The following MAD1L1 variants were observed in gnomAD, a reference collection of about 807,000 sequenced individuals.
MAD1L1 encodes the protein mitotic spindle assembly checkpoint protein MAD1.
A neutral mutation model predicts 96.9 loss-of-function variants in MAD1L1; 95 were observed. The ratio of observed to expected loss-of-function variants is 0.98; its 90% CI spans 0.83 to 1.16. The LOEUF (loss-of-function observed/expected upper bound fraction) is 1.16. Among genes scored for constraint, MAD1L1 ranks in the 50% most tolerant of loss-of-function variants. The pLI, the probability that MAD1L1 is intolerant of heterozygous loss-of-function variation, is 0.00. For missense variants in MAD1L1, 1,007 were observed against 954.4 expected (o/e 1.06, Z -0.73); for synonymous variants, 473 against 396.6 (o/e 1.19, Z -2.29).
At chr7:2,082,434 G>A (rs545557407) in intron 11 of MAD1L1, among the ~76,000 whole-genome samples, 7 of 152,140 alleles carry the variant, frequency 4.6e-5, no homozygotes, top group East Asian at 3.9e-4. Context: ...GGAAGGAGCC[G>A]GGCCTGGGAG....
chr7:1,867,266 T>A (rs987978091), intron 18 of MAD1L1, among the ~76,000 whole-genome samples: 5 of 152,152 alleles, frequency 3.3e-5, no homozygotes, highest in African/African-American at 9.7e-5. Flanking sequence ...TCCAGAGGCC[T>A]TCGGGGCTAA....
At chr7:1,892,491 T>C (rs934982540) in intron 18 of MAD1L1, among the ~76,000 whole-genome samples, 16 of 152,194 alleles carry the variant, frequency 1.1e-4, no homozygotes, top group African/African-American at 3.9e-4. Context: ...TGCTTACTGG[T>C]TGAGTAAGCA....
At chr7:2,069,396 G>A (rs1240719958) in intron 11 of MAD1L1, 58 bp from the exon 12 acceptor site, 34 of 1,446,864 alleles carry the variant, frequency 2.3e-5, no homozygotes, top group Non-Finnish European at 3.1e-5. Flanking sequence ...ACCCCACCAA[G>A]CCCCGCCCCA....
chr7:1,853,853 C>T (rs1202667448), intron 18 of MAD1L1, among the ~76,000 whole-genome samples: 2 of 152,186 alleles, frequency 1.3e-5, no homozygotes, highest in Non-Finnish European at 2.9e-5. Flanking sequence ...GAGGACCGGG[C>T]AGGCCCCACC....
intron 11 of MAD1L1, among the ~76,000 whole-genome samples, chr7:2,080,369 G>C (rs1785579563): frequency 1.3e-5 from 2 of 152,272 alleles, no homozygotes; most frequent in East Asian, 3.9e-4. Context: ...CGCTAGCATG[G>C]GTAACTAAAG....
chr7:1,866,448 A>G (rs1784782801), intron 18 of MAD1L1, among the ~76,000 whole-genome samples: 2 of 85,706 alleles, frequency 2.3e-5, no homozygotes. Context: ...CCCAGGAACA[A>G]AGGGCTGAAG....
intron 17 of MAD1L1, among the ~76,000 whole-genome samples, chr7:1,919,050 C>T (rs555986152): frequency 6.6e-6 from 1 of 152,366 alleles, no homozygotes; most frequent in South Asian, 2.1e-4. Context: ...TCCGGCCCCT[C>T]CCCAGCAAGG....
At chr7:2,159,715 C>T (rs901578617) in intron 10 of MAD1L1, among the ~76,000 whole-genome samples, 1 of 152,144 alleles carries the variant, frequency 6.6e-6, no homozygotes, top group East Asian at 1.9e-4. Flanking sequence ...GAACTCAGAC[C>T]ACTGGATTAA....
At chr7:2,127,064 T>G (rs1413719767) in intron 11 of MAD1L1, among the ~76,000 whole-genome samples, 1 of 152,142 alleles carries the variant, frequency 6.6e-6, no homozygotes, top group Non-Finnish European at 1.5e-5. Context: ...GCGGGTGGGA[T>G]GAAGACATCT....
intron 18 of MAD1L1, among the ~76,000 whole-genome samples, chr7:1,888,457 C>A (rs1034518888): frequency 7.4e-6 from 1 of 135,900 alleles, no homozygotes; most frequent in African/African-American, 3.0e-5. Context: ...TGTGTGCACG[C>A]ATGTATGTGG....
chr7:2,213,942 C>G (rs1584566816), intron 9 of MAD1L1, among the ~76,000 whole-genome samples: 1 of 152,382 alleles, frequency 6.6e-6, no homozygotes, highest in East Asian at 1.9e-4. Context: ...GCTTCACCTC[C>G]ACCCAGTGCC....
chr7:1,896,557 C>T (rs1404120398), intron 18 of MAD1L1, among the ~76,000 whole-genome samples: 1 of 152,230 alleles, frequency 6.6e-6, no homozygotes, highest in Non-Finnish European at 1.5e-5. Flanking sequence ...CCCGAGTTCC[C>T]AGGTGTAAAT....
At chr7:1,834,359 T>C in intron 18 of MAD1L1, among the ~76,000 whole-genome samples, 1 of 151,962 alleles carries the variant, frequency 6.6e-6, no homozygotes, top group East Asian at 1.9e-4. Flanking sequence ...GCAGTAGAAA[T>C]AATAAAACCC....
chr7:2,100,816 G>A (rs551110242), intron 11 of MAD1L1, among the ~76,000 whole-genome samples: 1 of 152,226 alleles, frequency 6.6e-6, no homozygotes, highest in Non-Finnish European at 1.5e-5. Context: ...GGAACAGCTC[G>A]TTGCCCAAGG....
chr7:2,228,411 C>T (rs1204454423), intron 3 of MAD1L1, among the ~76,000 whole-genome samples: 1 of 151,952 alleles, frequency 6.6e-6, no homozygotes, highest in Non-Finnish European at 1.5e-5. Context: ...GGTGCCCACA[C>T]CCGCCTAATT....
chr7:1,886,291 G>A (rs1337136356), intron 18 of MAD1L1, among the ~76,000 whole-genome samples: 3 of 152,218 alleles, frequency 2.0e-5, no homozygotes, highest in South Asian at 2.1e-4. Flanking sequence ...CACGGGAGAT[G>A]GTGGGCTGGC....
At chr7:1,844,577 G>T (rs887892095) in intron 18 of MAD1L1, among the ~76,000 whole-genome samples, 1 of 152,116 alleles carries the variant, frequency 6.6e-6, no homozygotes, top group African/African-American at 2.4e-5. Context: ...GCCTACAGCT[G>T]GCCCAGGAAG....
intron 9 of MAD1L1, among the ~76,000 whole-genome samples, chr7:2,214,270 A>G (rs1261740158): frequency 6.6e-6 from 1 of 152,228 alleles, no homozygotes; most frequent in Admixed American, 6.5e-5. Context: ...TTCAACCATC[A>G]AACAATAAAT....
rs1429077747 is a variant in MAD1L1, at chr7:2,213,210, A to G, written c.986+2T>C. 2 of 1,613,870 alleles carry G rather than the reference A, an allele frequency of 1.2e-6. No homozygotes were observed. Among genetic ancestry groups the G allele is most frequent in the Non-Finnish European group, 1.7e-6 (2 of 1,179,974 alleles). On this transcript the variant is annotated splice_donor_variant, in intron 10 of 18. Coordinates refer to ENST00000265854, the MANE Select transcript of MAD1L1 (RefSeq NM_001013836.2). LOFTEE classifies it high-confidence loss of function. ...ACCCCGGAGACACCTGCCCTTCCCTACCTGATGCTCAGGCCCATGGTCTGG... is the reference window on the plus strand; with the variant it reads ...ACCCCGGAGACACCTGCCCTTCCCTGCCTGATGCTCAGGCCCATGGTCTGG...
Sources: gnomAD v4.1 joint callset for allele counts (sites outside exome capture counted in the v4.1 genomes callset) on GRCh38, gnomAD v4.1.1 for gene constraint, MANE v1.5 for transcripts, NCBI Gene and HGNC (gene_info 2026-07-23, HGNC 2026-07-21) for gene names.